Variants in AP3B1 observed in about 807,000 individuals in gnomAD.
AP3B1 encodes adaptor related protein complex 3 subunit beta 1.
In AP3B1, 61 loss-of-function variants were observed where a neutral mutation model predicts 132.5. The observed-to-expected ratio is 0.46, with a 90% CI of 0.37 to 0.57. The LOEUF (loss-of-function observed/expected upper bound fraction) is 0.57. Ranked by LOEUF, AP3B1 falls within the 20% of genes least tolerant of loss-of-function variation. The pLI is 0.00. For synonymous variants in AP3B1, 388 were observed against 438.3 expected, an observed-to-expected ratio of 0.89 and a Z score of 1.43; for missense variants, 1,120 against 1,289.4, an observed-to-expected ratio of 0.87 and a Z score of 2.01.
intron 2 of AP3B1, among the ~76,000 whole-genome samples, chr5:78,266,425 T>C (rs1037485943): frequency 1.3e-5 from 2 of 152,150 alleles, no homozygotes; most frequent in Admixed American, 1.3e-4. Context: ...ACAGATACAA[T>C]TAGTACTTGA....
intron 8 of AP3B1, among the ~76,000 whole-genome samples, chr5:78,179,974 C>T (rs767255417): frequency 1.6e-4 from 24 of 152,066 alleles, no homozygotes; most frequent in African/African-American, 5.6e-4. Flanking sequence ...TATTTGAAAA[C>T]GTTTTTGATC....
rs139988011 is a variant in AP3B1 at position 78,229,471 on chromosome 5, G to A, written c.280-1232C>T. On this transcript the variant is annotated intron_variant, in intron 3 of 26. Coordinates refer to ENST00000255194, the MANE Select transcript of AP3B1 (RefSeq NM_003664.5). ...TACTCAGCCAGGCACAGTGGCTCAC[G>A]CCTGTAATCCCAGCACTTTGGGAGG... 2.4e-3 allele frequency among the ~76,000 whole-genome samples: 369 copies of A among 151,466 alleles called. 1 individual carries two copies. The highest frequency in any genetic ancestry group is 8.5e-3 in the African/African-American group (352 of 41,230).
chr5:78,030,859 G>A (rs182403411), intron 24 of AP3B1, among the ~76,000 whole-genome samples: 96 of 151,866 alleles, frequency 6.3e-4, no homozygotes, highest in Non-Finnish European at 1.1e-3. Flanking sequence ...TTTGATTTTT[G>A]GTAGAGACAA....
At chr5:78,026,160 A>G (rs1747334336) in intron 24 of AP3B1, among the ~76,000 whole-genome samples, 1 of 152,214 alleles carries the variant, frequency 6.6e-6, no homozygotes, top group African/African-American at 2.4e-5. Context: ...CAACTTGGAT[A>G]GGGAATGTGA....
intron 3 of AP3B1, among the ~76,000 whole-genome samples, chr5:78,237,467 C>G (rs997751659): frequency 4.0e-5 from 6 of 151,314 alleles, no homozygotes; most frequent in Admixed American, 6.6e-5. Context: ...ACAGTTCCCC[C>G]CCAAAAAAAG....
intron 22 of AP3B1, among the ~76,000 whole-genome samples, chr5:78,062,769 T>C (rs1749111534): frequency 6.6e-6 from 1 of 152,178 alleles, no homozygotes; most frequent in African/African-American, 2.4e-5. Flanking sequence ...TCAGGGTTTT[T>C]GAGAGCAAGC....
intron 8 of AP3B1, among the ~76,000 whole-genome samples, chr5:78,180,491 C>T (rs1744320005): frequency 6.6e-6 from 1 of 152,056 alleles, no homozygotes; most frequent in South Asian, 2.1e-4. Context: ...TAAAAAGAAG[C>T]AGCAGCAATC....
chr5:78,287,282 C>T (rs1290540401), intron 1 of AP3B1, among the ~76,000 whole-genome samples: 1 of 152,024 alleles, frequency 6.6e-6, no homozygotes, highest in African/African-American at 2.4e-5. Flanking sequence ...TTAAAAATAA[C>T]ATATCCTACT....
intron 14 of AP3B1, among the ~76,000 whole-genome samples, chr5:78,153,792 AACTGATGACAAC>A (rs1743001356): frequency 1.3e-5 from 2 of 152,166 alleles, no homozygotes; most frequent in Admixed American, 1.3e-4. Context: ...CATTATTTTA[AACTGATGACAAC>A]ACTGATTGCA....
intron 3 of AP3B1, among the ~76,000 whole-genome samples, chr5:78,234,349 T>C (rs779756462): frequency 2.6e-4 from 40 of 152,270 alleles, no homozygotes; most frequent in Non-Finnish European, 5.0e-4. Flanking sequence ...GGAAACCAAA[T>C]GATTCAAACT....
At chr5:78,084,788 G>A (rs1443255184) in intron 22 of AP3B1, among the ~76,000 whole-genome samples, 1 of 151,952 alleles carries the variant, frequency 6.6e-6, no homozygotes, top group Admixed American at 6.6e-5. Context: ...TTAAAATTAT[G>A]ATGCAGTTTC....
At chr5:78,205,305 G>GCTCTGGTTTCT (rs1207085534) in intron 7 of AP3B1, among the ~76,000 whole-genome samples, 2 of 152,020 alleles carry the variant, frequency 1.3e-5, no homozygotes, top group African/African-American at 2.4e-5. Flanking sequence ...GTAAGCTCAT[G>GCTCTGGTTTCT]CTCTGGTTTC....
At chr5:78,157,722 T>C (rs888908457) in intron 13 of AP3B1, among the ~76,000 whole-genome samples, 2 of 152,156 alleles carry the variant, frequency 1.3e-5, no homozygotes, top group Admixed American at 1.3e-4. Context: ...TATTTTAATA[T>C]TATATTAGAA....
chr5:78,072,443 G>T (rs1301776091), intron 22 of AP3B1, among the ~76,000 whole-genome samples: 1 of 152,108 alleles, frequency 6.6e-6, no homozygotes, highest in East Asian at 1.9e-4. Context: ...CATTTGGCTG[G>T]TATCGCTTTT....
chr5:78,006,092 G>T (rs921756759), intron 26 of AP3B1, among the ~76,000 whole-genome samples: 7 of 152,158 alleles, frequency 4.6e-5, no homozygotes, highest in Non-Finnish European at 1.0e-4. Flanking sequence ...GCTATCATTT[G>T]TTAAGCACTT....
At chr5:78,039,670 T>C (rs1028086483) in intron 22 of AP3B1, among the ~76,000 whole-genome samples, 19 of 150,162 alleles carry the variant, frequency 1.3e-4, no homozygotes, top group African/African-American at 2.4e-4. Flanking sequence ...CCCAGCTACT[T>C]GGGAGGCTGA....
intron 7 of AP3B1, among the ~76,000 whole-genome samples, chr5:78,212,694 GC>G (rs1452374420): frequency 6.6e-6 from 1 of 152,112 alleles, no homozygotes; most frequent in Non-Finnish European, 1.5e-5. Context: ...TCTCAGGAAT[GC>G]CTCTGCTAGA....
At chr5:78,152,434 C>T (rs1753714158) in intron 14 of AP3B1, among the ~76,000 whole-genome samples, 1 of 151,944 alleles carries the variant, frequency 6.6e-6, no homozygotes. Flanking sequence ...GGAAGTTTTC[C>T]ATTTCCTCTA....
rs34733864 is a variant in AP3B1, at chr5:78,191,354, C to CAAAAAAAAAAAAAAAAAA, written c.787-9710_787-9693dup. Among the ~76,000 whole-genome samples, 8 of 72,846 alleles carry CAAAAAAAAAAAAAAAAAA rather than the reference C, an allele frequency of 1.1e-4. 1 individual carries two copies. Among genetic ancestry groups the CAAAAAAAAAAAAAAAAAA allele is most frequent in the African/African-American group, 4.4e-4 (8 of 18,388 alleles). The allele number at this position is 72,846 out of a possible 152,430, so 47.8% of individuals were successfully genotyped here. A position where few individuals can be genotyped will look rare whatever the true frequency, so the allele number is the denominator to read the frequency against. ...ATTGGCTTTTGGAATTGCTTTTCCC[C>CAAAAAAAAAAAAAAAAAA]AAAAAAAAAAAAAAAAAAAAAAAGG... On this transcript the variant is annotated intron_variant, in intron 7 of 26. Transcript: ENST00000255194.
Sources: allele counts gnomAD v4.1 joint callset (sites outside exome capture counted in the v4.1 genomes callset), GRCh38; gene constraint gnomAD v4.1.1; transcripts MANE v1.5; gene names NCBI Gene and HGNC (gene_info 2026-07-23, HGNC 2026-07-21).